Variants in NTRK3 observed in about 807,000 individuals in gnomAD.
The protein encoded by NTRK3 is NT-3 growth factor receptor.
NTRK3 carries 24 observed loss-of-function variants against 91.7 expected under a neutral mutation model. The observed-to-expected ratio is 0.26, with a 90% CI of 0.19 to 0.37. The LOEUF (loss-of-function observed/expected upper bound fraction) is 0.37, where lower values mean the gene tolerates loss of function less well. NTRK3 is among the 10% of genes least tolerant of loss of function. The pLI, the probability that NTRK3 is intolerant of heterozygous loss-of-function variation, is 1.00. For missense variants in NTRK3, 880 were observed against 1,068.9 expected, an observed-to-expected ratio of 0.82 and a Z score of 2.46; for synonymous variants, 483 against 404.0, an observed-to-expected ratio of 1.20 and a Z score of -2.34.
At chr15:88,179,495 T>G (rs1004223307) in intron 5 of NTRK3, among the ~76,000 whole-genome samples, 3 of 152,188 alleles carry the variant, frequency 2.0e-5, no homozygotes, top group African/African-American at 7.2e-5. Context: ...GGAAAAGCAC[T>G]TTGAAAACCA....
At chr15:88,149,052 A>G (rs1054971891) in intron 5 of NTRK3, among the ~76,000 whole-genome samples, 1 of 152,210 alleles carries the variant, frequency 6.6e-6, no homozygotes, top group African/African-American at 2.4e-5. Context: ...ATCCAAAGAG[A>G]TAAGTCAAAT....
chr15:88,034,709 C>T (rs1240238158), intron 13 of NTRK3, among the ~76,000 whole-genome samples: 1 of 152,180 alleles, frequency 6.6e-6, no homozygotes, highest in Non-Finnish European at 1.5e-5. Context: ...AAATGGGAGA[C>T]TGGTAAATGC....
intron 13 of NTRK3, among the ~76,000 whole-genome samples, chr15:88,114,773 A>T (rs1009599866): frequency 1.3e-5 from 2 of 152,198 alleles, no homozygotes; most frequent in African/African-American, 4.8e-5. Context: ...TGAAACTAAC[A>T]TTTTTACTCC....
At chr15:87,940,530 G>T (rs1042946555) in intron 15 of NTRK3, 93 bp downstream of exon 15, 1 of 1,582,054 alleles carries the variant, frequency 6.3e-7, no homozygotes. Context: ...AGCCAATTGA[G>T]CACTATCTTC....
At chr15:88,220,229 G>A (rs991815234) in intron 3 of NTRK3, among the ~76,000 whole-genome samples, 1 of 152,212 alleles carries the variant, frequency 6.6e-6, no homozygotes, top group Non-Finnish European at 1.5e-5. Flanking sequence ...GCTCCCCCAA[G>A]CAAATCAACC....
intron 14 of NTRK3, among the ~76,000 whole-genome samples, chr15:87,950,611 G>C (rs1350048329): frequency 2.0e-5 from 3 of 152,174 alleles, no homozygotes; most frequent in Non-Finnish European, 4.4e-5. Flanking sequence ...GCCGCATTTG[G>C]CAATTTACTA....
chr15:88,074,559 T>C (rs935136657), intron 13 of NTRK3, among the ~76,000 whole-genome samples: 9 of 152,124 alleles, frequency 5.9e-5, no homozygotes, highest in Non-Finnish European at 1.2e-4. Context: ...GGAGACAGGA[T>C]TCTCACCCAG....
At chr15:87,884,649 T>C (rs530321612) in intron 17 of NTRK3, among the ~76,000 whole-genome samples, 18 of 151,900 alleles carry the variant, frequency 1.2e-4, no homozygotes, top group African/African-American at 4.3e-4. Flanking sequence ...TTCCATATTA[T>C]ATATAGCTCA....
intron 1 of NTRK3, 32 bp from the exon 2 acceptor site, chr15:88,256,518 CAA>C (rs561718241): frequency 0.013 from 5,030 of 394,638 alleles, 4 homozygotes; most frequent in South Asian, 0.034. Context: ...GGTGGGGAGG[CAA>C]AAAAAAAAAA....
chr15:87,977,029 C>T (rs2073783838), intron 14 of NTRK3, among the ~76,000 whole-genome samples: 1 of 152,208 alleles, frequency 6.6e-6, no homozygotes, highest in Non-Finnish European at 1.5e-5. Context: ...GTGAGGGTCT[C>T]AGTGGCCTGA....
intron 14 of NTRK3, among the ~76,000 whole-genome samples, chr15:87,949,719 C>T (rs1355946585): frequency 6.6e-6 from 1 of 152,176 alleles, no homozygotes; most frequent in South Asian, 2.1e-4. Flanking sequence ...GTACGCCTGC[C>T]CTTTCATACC....
At chr15:88,147,167 G>T (rs980073583) in intron 6 of NTRK3, among the ~76,000 whole-genome samples, 168 bp downstream of exon 6, 1 of 152,134 alleles carries the variant, frequency 6.6e-6, no homozygotes, top group African/African-American at 2.4e-5. Flanking sequence ...TCAAGCAAAA[G>T]GGTTAATTGC....
At chr15:88,022,061 A>T (rs2077636270) in intron 14 of NTRK3, among the ~76,000 whole-genome samples, 3 of 152,162 alleles carry the variant, frequency 2.0e-5, no homozygotes, top group Non-Finnish European at 4.4e-5. Context: ...CCCTGTGAAA[A>T]GCAAGTGACT....
In NTRK3 at chr15:88,234,284, T is replaced by C. The variant is rs978320072; in HGVS notation, c.248+21622A>G. The stretch of plus-strand genomic sequence containing the variant: ...CTCCAGACTGCACTCTCTTCCTTCA[T>C]TCATTCATTCTCCTTCATTGATTGA... On this transcript the variant is annotated intron_variant, in intron 3 of 18. Transcript: ENST00000394480. This position sits in a 1 kb window ranked among gnomAD's most constrained non-coding sequence, Gnocchi z 6.1. Among the ~76,000 whole-genome samples, 7 of 152,236 alleles carry C rather than the reference T, an allele frequency of 4.6e-5. No individual in the cohort carries two copies. Among genetic ancestry groups the C allele is most frequent in the Admixed American group, 4.6e-4 (7 of 15,282 alleles).
intron 14 of NTRK3, among the ~76,000 whole-genome samples, chr15:87,987,878 AAATAAT>A (rs146817523): frequency 6.9e-4 from 104 of 150,810 alleles, no homozygotes; most frequent in Non-Finnish European, 1.1e-3. Context: ...ATCTGTCTCA[AAATAAT>A]AATAATAATA....
chr15:88,236,118 C>G (rs1199422862), intron 3 of NTRK3, among the ~76,000 whole-genome samples: 2 of 152,100 alleles, frequency 1.3e-5, no homozygotes, highest in African/African-American at 2.4e-5. Flanking sequence ...GAAATGAAAG[C>G]CTACGTTCAC....
exon 19 of NTRK3, chr15:87,876,992 G>A (rs148404263): frequency 1.2e-6 from 2 of 1,613,768 alleles, no homozygotes; most frequent in Admixed American, 1.7e-5. Context: ...GGAGGATTTT[G>A]TAGATCTCCT....
At chr15:88,118,373 GAA>G (rs550812896) in intron 13 of NTRK3, among the ~76,000 whole-genome samples, 32 of 152,280 alleles carry the variant, frequency 2.1e-4, no homozygotes, top group African/African-American at 7.2e-4. Flanking sequence ...TGTTCCATGA[GAA>G]GAGAGGAGGG....
intron 10 of NTRK3, 102 bp downstream of exon 10, chr15:88,134,999 G>T: frequency 7.3e-7 from 1 of 1,361,524 alleles, no homozygotes; most frequent in Non-Finnish European, 1.0e-6. Flanking sequence ...CATGATAACA[G>T]TATGAGTACT....
Sources: allele counts gnomAD v4.1 joint callset (sites outside exome capture counted in the v4.1 genomes callset), GRCh38; gene constraint gnomAD v4.1.1; non-coding constraint Gnocchi (gnomAD v3.1); transcripts MANE v1.5; gene names NCBI Gene and HGNC (gene_info 2026-07-23, HGNC 2026-07-21).